PARVB: variants seen among roughly 807,000 people sequenced by gnomAD.
PARVB encodes parvin beta, also known as beta-parvin.
PARVB carries 46 observed loss-of-function variants against 47.0 expected under a neutral mutation model. The ratio of observed to expected loss-of-function variants is 0.98; its 90% CI spans 0.77 to 1.25. The LOEUF (loss-of-function observed/expected upper bound fraction) is 1.25. Ranked by LOEUF, PARVB falls within the 50% of genes most tolerant of loss-of-function variation. The probability of loss-of-function intolerance (pLI) is 0.00; values close to 1 mark genes in which losing one functional copy is unlikely to be tolerated. For synonymous variants in PARVB, 196 were observed against 196.3 expected, an observed-to-expected ratio of 1.00 and a Z score of 0.01; for missense variants, 473 against 471.6, an observed-to-expected ratio of 1.00 and a Z score of -0.03.
chr22:44,073,136 A>G (rs990538188), intron 1 of PARVB, among the ~76,000 whole-genome samples: 11 of 152,250 alleles, frequency 7.2e-5, no homozygotes, highest in Non-Finnish European at 1.3e-4. Flanking sequence ...GCCCAATCTT[A>G]TCAAATTATA....
intron 10 of PARVB, among the ~76,000 whole-genome samples, chr22:44,154,002 T>C (rs1007446333): frequency 3.3e-5 from 5 of 152,302 alleles, no homozygotes; most frequent in Non-Finnish European, 7.3e-5. Flanking sequence ...CACCGCACAC[T>C]TTGAAGGCTC....
At chr22:44,092,795 C>T (rs2052203174) in intron 1 of PARVB, among the ~76,000 whole-genome samples, 1 of 152,238 alleles carries the variant, frequency 6.6e-6, no homozygotes, top group South Asian at 2.1e-4. Flanking sequence ...TGGCCTGCTG[C>T]TCCAAAGCCA....
rs546140294 is a variant in PARVB at position 44,153,829 on chromosome 22, G to A, written c.843+2278G>A. 7.2e-5 allele frequency among the ~76,000 whole-genome samples: 11 copies of A among 152,258 alleles called. No individual in the cohort carries two copies. The East Asian group carries it at 1.5e-3, about 21-fold the overall frequency. ...TTAATGGGAAGTGTATCTCATCAGC[G>A]GGAAGGCTGCACTGCACCTCATTAA... On this transcript the variant is annotated intron_variant, in intron 10 of 12. Coordinates refer to ENST00000338758, the MANE Select transcript of PARVB (RefSeq NM_013327.5).
At chr22:44,066,811 C>CTCCTCCTCCTCT (rs1020391042) in intron 1 of PARVB, among the ~76,000 whole-genome samples, 1 of 149,212 alleles carries the variant, frequency 6.7e-6, no homozygotes, top group Non-Finnish European at 1.5e-5. Context: ...CCTCCTCCTC[C>CTCCTCCTCCTCT]TCCTCCTCCT....
At chr22:44,168,246 T>A (rs1403600006) in intron 12 of PARVB, 1 of 212,702 alleles carries the variant, frequency 4.7e-6, no homozygotes, top group South Asian at 8.1e-5. Context: ...GTCGGGTCCA[T>A]TAAGTGTTAC....
At chr22:44,023,057 A>C (rs953531808), upstream of PARVB, among the ~76,000 whole-genome samples, 7 of 151,756 alleles carry the variant, frequency 4.6e-5, no homozygotes, top group Non-Finnish European at 8.8e-5. Context: ...TACTCCTCCT[A>C]CTTCTTCAAG....
chr22:44,136,424 C>T (rs1168154501), intron 6 of PARVB, 36 bp from the exon 7 acceptor site: 12 of 1,600,256 alleles, frequency 7.5e-6, no homozygotes, highest in African/African-American at 1.3e-5. Flanking sequence ...CAACTCTCCA[C>T]TGCCTGATTT....
intron 3 of PARVB, chr22:44,108,313 TAGCCTGGG>T (rs2052614468): frequency 6.6e-6 from 1 of 152,256 alleles, no homozygotes; most frequent in Non-Finnish European, 1.5e-5. Flanking sequence ...GAGGCTCAAG[TAGCCTGGG>T]AGCCCCATCT....
chr22:44,025,121 T>A (rs957746553), intron 1 of PARVB, among the ~76,000 whole-genome samples: 1 of 152,022 alleles, frequency 6.6e-6, no homozygotes, highest in African/African-American at 2.4e-5. Flanking sequence ...AATTTTCTGC[T>A]TGGGTGGGGA....
chr22:44,162,494 G>T (rs1471795798), intron 11 of PARVB, among the ~76,000 whole-genome samples: 1 of 143,188 alleles, frequency 7.0e-6, no homozygotes, highest in Non-Finnish European at 1.5e-5. Context: ...GCTAATTTTT[G>T]TATTTTTAGT....
chr22:44,002,809 T>G (rs898674614), intron 2 of PARVB, among the ~76,000 whole-genome samples: 6 of 152,108 alleles, frequency 3.9e-5, no homozygotes, highest in South Asian at 2.1e-4. Flanking sequence ...GAAAAATGCT[T>G]TGCCCGAAAG....
At chr22:44,056,382 C>T (rs748221038) in intron 1 of PARVB, among the ~76,000 whole-genome samples, 1 of 152,218 alleles carries the variant, frequency 6.6e-6, no homozygotes, top group Non-Finnish European at 1.5e-5. Flanking sequence ...ACGGATGCAG[C>T]GTTGCCCGGG....
intron 2 of PARVB, among the ~76,000 whole-genome samples, chr22:44,001,837 G>A (rs1436401281): frequency 1.3e-5 from 2 of 152,180 alleles, no homozygotes; most frequent in Non-Finnish European, 2.9e-5. Flanking sequence ...TGAACACAGC[G>A]GCAATTCAGG....
At chr22:44,042,820 G>A (rs750171722) in intron 1 of PARVB, among the ~76,000 whole-genome samples, 2 of 152,140 alleles carry the variant, frequency 1.3e-5, no homozygotes, top group Non-Finnish European at 2.9e-5. Flanking sequence ...CTAGAGCCCT[G>A]CTTTGTTACA....
intron 1 of PARVB, among the ~76,000 whole-genome samples, chr22:44,058,353 G>C (rs1332631285): frequency 2.6e-5 from 4 of 152,032 alleles, no homozygotes; most frequent in Admixed American, 2.6e-4. Flanking sequence ...TGTCACAGGT[G>C]TCCCCCTTCA....
At chr22:44,005,443 T>C (rs1312531034) in intron 2 of PARVB, among the ~76,000 whole-genome samples, 1 of 147,288 alleles carries the variant, frequency 6.8e-6, no homozygotes, top group African/African-American at 2.5e-5. Flanking sequence ...ACACAAATAA[T>C]AGCATACTGT....
chr22:44,111,347 T>C (rs1034613328), intron 3 of PARVB: 4 of 151,236 alleles, frequency 2.6e-5, no homozygotes, highest in Non-Finnish European at 4.4e-5. Context: ...AGACCCTACA[T>C]ATTCATGCCA....
At chr22:44,060,205 A>C (rs999253760) in intron 1 of PARVB, among the ~76,000 whole-genome samples, 11 of 152,112 alleles carry the variant, frequency 7.2e-5, no homozygotes, top group African/African-American at 2.7e-4. Context: ...AATCCCAGCT[A>C]CTTGGGAGGC....
intron 9 of PARVB, chr22:44,149,476 C>T (rs13056630): frequency 0.3 from 46,138 of 151,720 alleles, 7,512 homozygotes; most frequent in East Asian, 0.62. Flanking sequence ...GTCGTCCCCT[C>T]CTACTCCTTC....
Sources: allele counts gnomAD v4.1 joint callset (sites outside exome capture counted in the v4.1 genomes callset), GRCh38; gene constraint gnomAD v4.1.1; transcripts MANE v1.5; gene names NCBI Gene and HGNC (gene_info 2026-07-23, HGNC 2026-07-21).